PTPN3: variants seen among roughly 807,000 people sequenced by gnomAD.
PTPN3 encodes tyrosine-protein phosphatase non-receptor type 3.
Under a neutral mutation model 132.7 loss-of-function variants are expected in PTPN3, and 96 were observed. The observed-to-expected ratio is 0.72, with a 90% confidence interval of 0.61 to 0.86. The LOEUF is 0.86. PTPN3 is among the 40% of genes least tolerant of loss of function. The probability of loss-of-function intolerance (pLI) is 0.00; values close to 1 mark genes in which losing one functional copy is unlikely to be tolerated. For synonymous variants in PTPN3, 398 were observed against 429.0 expected, an observed-to-expected ratio of 0.93 and a Z score of 0.89; for missense variants, 1,125 against 1,159.6, an observed-to-expected ratio of 0.97 and a Z score of 0.43.
chr9:109,494,334 G>C (rs1272069359), intron 1 of PTPN3, among the ~76,000 whole-genome samples: 2 of 152,184 alleles, frequency 1.3e-5, no homozygotes, highest in African/African-American at 4.8e-5. Flanking sequence ...GCTGGGTGTG[G>C]TGGCACATGC....
At chr9:109,393,645 TGAAAGTGCTAG>T (rs1840323634) in intron 19 of PTPN3, among the ~76,000 whole-genome samples, 1 of 152,086 alleles carries the variant, frequency 6.6e-6, no homozygotes, top group African/African-American at 2.4e-5. Context: ...CCTCGGCCTC[TGAAAGTGCTAG>T]GATTTTTGAG....
At chr9:109,511,735 C>T in the PTPN3 span, among the ~76,000 whole-genome samples, 6 of 152,202 alleles carry the variant, frequency 3.9e-5, no homozygotes, top group African/African-American at 1.4e-4. Flanking sequence ...TTTTCAGCCA[C>T]TAAGTTTTAG....
chr9:109,499,206 G>C (rs1398489067), upstream of PTPN3, among the ~76,000 whole-genome samples: 4 of 152,088 alleles, frequency 2.6e-5, no homozygotes, highest in Non-Finnish European at 5.9e-5. Flanking sequence ...TAAGTTCTAA[G>C]AGGAAAAAGA....
Position 109,383,565 on chromosome 9 carries a change from C to T in PTPN3, c.2254-14G>A. ...GTGACATTTGGTCTGTAAGAAACCA[C>T]CGAGAGTGAGTGAGCCCCGTCTGTG... On this transcript the variant is annotated splice_polypyrimidine_tract_variant and intron_variant, in intron 22 of 25. Coordinates refer to ENST00000374541, the MANE Select transcript of PTPN3 (RefSeq NM_002829.4). 6.2e-7 allele frequency: 1 copy of T among 1,612,666 alleles called. No homozygotes were observed. Among genetic ancestry groups the T allele is most frequent in the Non-Finnish European group, 8.5e-7 (1 of 1,179,042 alleles).
intron 1 of PTPN3, among the ~76,000 whole-genome samples, chr9:109,484,851 C>A (rs1054185884): frequency 6.6e-6 from 1 of 152,322 alleles, no homozygotes; most frequent in Middle Eastern, 3.4e-3. Flanking sequence ...TATGACCCCC[C>A]ATCCTGCGCT....
chr9:109,449,237 C>T, intron 5 of PTPN3: 1 of 1,035,590 alleles, frequency 9.7e-7, no homozygotes. Flanking sequence ...GCGGCGCCCA[C>T]ACACTGGCAG....
intron 19 of PTPN3, among the ~76,000 whole-genome samples, chr9:109,394,821 ATTG>A (rs1840431928): frequency 6.6e-6 from 1 of 152,212 alleles, no homozygotes; most frequent in Non-Finnish European, 1.5e-5. Flanking sequence ...TACATAAAAA[ATTG>A]TTGTTTGTAA....
At chr9:109,410,669 T>A (rs777909916) in intron 14 of PTPN3, among the ~76,000 whole-genome samples, 1 of 152,180 alleles carries the variant, frequency 6.6e-6, no homozygotes, top group Non-Finnish European at 1.5e-5. Flanking sequence ...CTGAAAACTT[T>A]GCTCCCTTCC....
intron 1 of PTPN3, among the ~76,000 whole-genome samples, chr9:109,482,136 C>T (rs75024825): frequency 0.035 from 5,318 of 152,338 alleles, 205 homozygotes; most frequent in East Asian, 0.22. Context: ...TGTGTCAGCG[C>T]TAACACAGCA....
At chr9:109,447,735 T>C (rs1297297127) in intron 6 of PTPN3, among the ~76,000 whole-genome samples, 2 of 152,188 alleles carry the variant, frequency 1.3e-5, no homozygotes, top group East Asian at 3.9e-4. Context: ...CCATCCAGAC[T>C]GAACCGCCCC....
intron 1 of PTPN3, among the ~76,000 whole-genome samples, chr9:109,488,657 T>C (rs1365622590): frequency 2.0e-5 from 3 of 152,152 alleles, no homozygotes; most frequent in African/African-American, 7.2e-5. Context: ...TAATTTGTAA[T>C]CCAGGAAGGC....
chr9:109,444,984 T>C (rs969671409), intron 7 of PTPN3, among the ~76,000 whole-genome samples: 12 of 152,274 alleles, frequency 7.9e-5, no homozygotes, highest in Admixed American at 7.2e-4. Context: ...TGCTGTCTGA[T>C]GGGCTCCCTT....
chr9:109,445,124 G>T, intron 7 of PTPN3, 116 bp downstream of exon 7: 3 of 1,018,868 alleles, frequency 2.9e-6, no homozygotes, highest in South Asian at 2.7e-5. Context: ...GAGATATGCT[G>T]CCCAGCAGGA....
At chr9:109,537,088 G>A in the PTPN3 span, among the ~76,000 whole-genome samples, 3 of 152,080 alleles carry the variant, frequency 2.0e-5, no homozygotes, top group Non-Finnish European at 2.9e-5. Flanking sequence ...CAAGGTCCTG[G>A]CATTTTCTGA....
At position 109,382,235 on chromosome 9, in the gene PTPN3, C is replaced by T. The variant is rs1839164564; in HGVS notation, c.2528+67G>A. ...GATGTAGGGTGGGTCTGGCGCCTGC[C>T]AATTGTCTCCAGGCCTTTTCCGACA... is the stretch of plus-strand genomic sequence containing the variant. On this transcript the variant is annotated intron_variant, in intron 24 of 25. Transcript: ENST00000374541. The T allele has an allele frequency of 1.3e-5, 20 of 1,549,024 alleles. No homozygotes were observed. The South Asian group carries it at 1.6e-4, about 13-fold the overall frequency.
At chr9:109,472,088 G>A (rs943539580) in intron 1 of PTPN3, among the ~76,000 whole-genome samples, 2 of 152,202 alleles carry the variant, frequency 1.3e-5, no homozygotes, top group Admixed American at 6.5e-5. Flanking sequence ...TGTTGATGAA[G>A]TAACAGATTT....
Position 109,391,548 on chromosome 9 carries a change from T to A in PTPN3, c.1967A>T (p.Lys656Ile). 1.9e-6 allele frequency: 3 copies of A among 1,613,584 alleles called. No homozygotes were observed. The highest frequency in any genetic ancestry group is 2.5e-6 in the Non-Finnish European group (3 of 1,179,598). Residue 656 changes from lysine (K) to isoleucine (I), a missense_variant, in exon 20 of 26, where the codon AAA becomes ATA. Physicochemically the swap from Lys to Ile is moderately radical, Grantham distance 102. Transcript: ENST00000374541. ...AAACGTGATGGCCAAACCTGGCTTT[T>A]TTCTGTAGAGTTGCTATGTGAGAAA... is the stretch of plus-strand genomic sequence containing the variant. ...VLIQFEQLYR[K>I]KPGLAITFAK... is the part of the protein sequence containing the mutation.
chr9:109,412,257 G>T (rs1842133369), intron 14 of PTPN3, among the ~76,000 whole-genome samples: 1 of 151,938 alleles, frequency 6.6e-6, no homozygotes. Flanking sequence ...TGCCCAGGCT[G>T]GAGTGCCATT....
chr9:109,457,068 G>A, intron 4 of PTPN3, 105 bp downstream of exon 4: 1 of 1,228,934 alleles, frequency 8.1e-7, no homozygotes, highest in Non-Finnish European at 1.2e-6. Flanking sequence ...TGGACACCCG[G>A]AACTACAGGT....
Sources: allele counts gnomAD v4.1 joint callset (sites outside exome capture counted in the v4.1 genomes callset), GRCh38; gene constraint gnomAD v4.1.1; transcripts MANE v1.5; gene names NCBI Gene and HGNC (gene_info 2026-07-23, HGNC 2026-07-21).